PDE1A: variants seen among roughly 807,000 people sequenced by gnomAD.
PDE1A encodes dual specificity calcium/calmodulin-dependent 3',5'-cyclic nucleotide phosphodiesterase 1A.
PDE1A carries 35 observed loss-of-function variants against 61.7 expected under a neutral mutation model. That is an observed-to-expected ratio of 0.57 (90% CI 0.43 to 0.75). The LOEUF is 0.75. Ranked by LOEUF, PDE1A falls within the 30% of genes least tolerant of loss-of-function variation. PDE1A has a pLI of 0.00. For missense variants in PDE1A, 597 were observed against 630.6 expected, an observed-to-expected ratio of 0.95 and a Z score of 0.57; for synonymous variants, 232 against 213.2, an observed-to-expected ratio of 1.09 and a Z score of -0.77.
chr2:182,684,407 T>C, the PDE1A span, among the ~76,000 whole-genome samples: 5 of 152,076 alleles, frequency 3.3e-5, no homozygotes, highest in Admixed American at 1.3e-4. Flanking sequence ...ACTAAACAAT[T>C]CTCACCAAGA....
At chr2:182,210,630 G>C (rs1574708658) in intron 7 of PDE1A, among the ~76,000 whole-genome samples, 1 of 151,888 alleles carries the variant, frequency 6.6e-6, no homozygotes, top group Admixed American at 6.6e-5. Flanking sequence ...TAGTGTCTTT[G>C]GTAGAGCATA....
At chr2:182,242,092 C>T (rs1690560788) in intron 2 of PDE1A, 4 of 1,289,036 alleles carry the variant, frequency 3.1e-6, no homozygotes, top group Non-Finnish European at 3.9e-6. Flanking sequence ...CACCATGCTC[C>T]AAGCATTCCA....
At chr2:182,616,715 A>T in the PDE1A span, among the ~76,000 whole-genome samples, 60,700 of 152,070 alleles carry the variant, frequency 0.4, 13,573 homozygotes, top group East Asian at 0.58. Flanking sequence ...AGTGGTTCTC[A>T]ATCTTGACCA....
At chr2:182,303,668 A>T (rs553043110) in intron 1 of PDE1A, among the ~76,000 whole-genome samples, 1 of 152,266 alleles carries the variant, frequency 6.6e-6, no homozygotes, top group South Asian at 2.1e-4. Flanking sequence ...TGAGAAGTCA[A>T]TGTCTGGCTT....
At chr2:182,641,487 T>C in the PDE1A span, among the ~76,000 whole-genome samples, 1 of 152,204 alleles carries the variant, frequency 6.6e-6, no homozygotes, top group Non-Finnish European at 1.5e-5. Flanking sequence ...AAGAAAGCAG[T>C]TATAAATTGA....
At chr2:182,322,537 A>C (rs1233450194) in intron 1 of PDE1A, among the ~76,000 whole-genome samples, 4 of 152,208 alleles carry the variant, frequency 2.6e-5, no homozygotes, top group Non-Finnish European at 5.9e-5. Context: ...GCCATGTGGA[A>C]CTGTGAGTCC....
chr2:182,362,515 T>C (rs1239109610), intron 1 of PDE1A, among the ~76,000 whole-genome samples: 3 of 152,042 alleles, frequency 2.0e-5, no homozygotes, highest in African/African-American at 7.2e-5. Context: ...CAAAGGACTT[T>C]CATGTTAAAA....
At chr2:182,516,879 T>C (rs1004977981) in intron 2 of PDE1A, among the ~76,000 whole-genome samples, 19 of 149,166 alleles carry the variant, frequency 1.3e-4, no homozygotes, top group Non-Finnish European at 2.1e-4. Flanking sequence ...GATGAATCTT[T>C]GTGATTACAT....
At chr2:182,521,032 C>T (rs951491072) in intron 2 of PDE1A, among the ~76,000 whole-genome samples, 3 of 151,972 alleles carry the variant, frequency 2.0e-5, no homozygotes, top group African/African-American at 7.2e-5. Context: ...GAAAGTTATT[C>T]TCTGCTATAT....
the PDE1A span, among the ~76,000 whole-genome samples, chr2:182,605,208 CAGA>C: frequency 6.6e-6 from 1 of 152,188 alleles, no homozygotes; most frequent in South Asian, 2.1e-4. Context: ...CCCGCCAATG[CAGA>C]AGGTGACCTC....
the PDE1A span, among the ~76,000 whole-genome samples, chr2:182,711,617 C>A: frequency 6.6e-6 from 1 of 151,708 alleles, no homozygotes; most frequent in Admixed American, 6.6e-5. Context: ...TTCCAAAGAA[C>A]CAAGGCTTCT....
At chr2:182,627,170 ATATTTATATATAAAATATAAATATTATAT>A in the PDE1A span, among the ~76,000 whole-genome samples, 1 of 16,246 alleles carries the variant, frequency 6.2e-5, no homozygotes, top group South Asian at 2.1e-3. Context: ...AATATAAATA[ATATTTATATATAAAATATAAATATTATAT>A]TATTTATATA....
intron 2 of PDE1A, among the ~76,000 whole-genome samples, chr2:182,508,556 T>G (rs1189594622): frequency 6.6e-6 from 1 of 151,774 alleles, no homozygotes; most frequent in Non-Finnish European, 1.5e-5. Flanking sequence ...AGGAATGACA[T>G]TACTGACTTT....
At chr2:182,462,191 A>C in intron 2 of PDE1A, among the ~76,000 whole-genome samples, 1 of 152,012 alleles carries the variant, frequency 6.6e-6, no homozygotes, top group East Asian at 1.9e-4. Context: ...GCATTAGGAG[A>C]TATACCTAAT....
At chr2:182,408,379 T>C (rs1025526306) in intron 1 of PDE1A, among the ~76,000 whole-genome samples, 3 of 152,190 alleles carry the variant, frequency 2.0e-5, no homozygotes, top group African/African-American at 7.2e-5. Flanking sequence ...ACCTCAGAGC[T>C]TCACTTTTAA....
At chr2:182,235,976 T>C (rs1574102592) in intron 3 of PDE1A, among the ~76,000 whole-genome samples, 2 of 152,250 alleles carry the variant, frequency 1.3e-5, no homozygotes, top group African/African-American at 4.8e-5. Flanking sequence ...TTTATCATGT[T>C]TTCCTTTTAA....
chr2:182,310,865 A>G (rs1695920273), intron 1 of PDE1A, among the ~76,000 whole-genome samples: 1 of 152,200 alleles, frequency 6.6e-6, no homozygotes, highest in African/African-American at 2.4e-5. Flanking sequence ...CCATGTGACC[A>G]TGTTCTGGCC....
At chr2:182,239,516 T>G (rs564958926) in intron 3 of PDE1A, among the ~76,000 whole-genome samples, 1 of 152,248 alleles carries the variant, frequency 6.6e-6, no homozygotes, top group South Asian at 2.1e-4. Context: ...AATTGGGTCA[T>G]ATTAGCATGT....
At chr2:182,550,343 C>T in the PDE1A span, among the ~76,000 whole-genome samples, 1 of 152,160 alleles carries the variant, frequency 6.6e-6, no homozygotes, top group Admixed American at 6.5e-5. Context: ...GCTAGCCTTT[C>T]TATTTGGTTA....
Sources: allele counts gnomAD v4.1 joint callset (sites outside exome capture counted in the v4.1 genomes callset), GRCh38; gene constraint gnomAD v4.1.1; transcripts MANE v1.5; gene names NCBI Gene and HGNC (gene_info 2026-07-23, HGNC 2026-07-21).